The following TMEM132D variants were observed in gnomAD, a reference collection of about 807,000 sequenced individuals.
TMEM132D encodes the protein transmembrane protein 132D.
In TMEM132D, 21 loss-of-function variants were observed where a neutral mutation model predicts 62.3. The ratio of observed to expected loss-of-function variants is 0.34; its 90% CI spans 0.24 to 0.49. The LOEUF (loss-of-function observed/expected upper bound fraction) is 0.49. Among genes scored for constraint, TMEM132D ranks in the 20% least tolerant of loss-of-function variants. The pLI is 0.99. For synonymous variants in TMEM132D, 621 were observed against 575.6 expected (o/e 1.08, Z -1.13); for missense variants, 1,346 against 1,402.8 (o/e 0.96, Z 0.65).
At chr12:129,701,607 G>A (rs1251385782) in intron 1 of TMEM132D, among the ~76,000 whole-genome samples, 1 of 152,166 alleles carries the variant, frequency 6.6e-6, no homozygotes, top group Non-Finnish European at 1.5e-5. Flanking sequence ...CTCCCTCAGG[G>A]GGAGAAAAAT....
chr12:129,245,145 T>G (rs1417120984), intron 4 of TMEM132D, among the ~76,000 whole-genome samples: 2 of 152,242 alleles, frequency 1.3e-5, no homozygotes, highest in Non-Finnish European at 2.9e-5. Context: ...CATAGTATCA[T>G]GTATCCATCA....
chr12:129,689,774 T>A (rs952390766), intron 2 of TMEM132D, among the ~76,000 whole-genome samples: 1 of 152,172 alleles, frequency 6.6e-6, no homozygotes, highest in African/African-American at 2.4e-5. Context: ...TCCAAAACAA[T>A]GGTGTTAAGA....
intron 4 of TMEM132D, among the ~76,000 whole-genome samples, chr12:129,268,534 A>T (rs966256911): frequency 1.3e-5 from 2 of 152,180 alleles, no homozygotes; most frequent in Non-Finnish European, 2.9e-5. Context: ...GTCAGGAAAC[A>T]ACAGGTGCTG....
intron 2 of TMEM132D, among the ~76,000 whole-genome samples, chr12:129,593,132 AG>A (rs1195524354): frequency 6.6e-6 from 1 of 151,966 alleles, no homozygotes; most frequent in Non-Finnish European, 1.5e-5. Context: ...GGGAAAAAAA[AG>A]GTTAATCGTT....
intron 2 of TMEM132D, among the ~76,000 whole-genome samples, chr12:129,614,952 A>T (rs928104215): frequency 6.6e-6 from 1 of 152,160 alleles, no homozygotes; most frequent in Non-Finnish European, 1.5e-5. Flanking sequence ...CAATACATCT[A>T]CCCTGGCCCC....
rs538606575 is a variant in TMEM132D at position 129,371,049 on chromosome 12, C to CA, written c.1116-33233dup. Among the ~76,000 whole-genome samples the CA allele has an allele frequency of 1.8e-3, 267 of 152,150 alleles. 3 individuals carry two copies. Among genetic ancestry groups the CA allele is most frequent in the Non-Finnish European group, 2.6e-3 (177 of 67,982 alleles). On this transcript the variant is annotated intron_variant, in intron 3 of 8. Coordinates refer to ENST00000422113, the MANE Select transcript of TMEM132D (RefSeq NM_133448.3). This position sits in a 1 kb window ranked among gnomAD's most constrained non-coding sequence, Gnocchi z 4.3. Reference sequence around the variant, plus strand: ...GAGAAGAATTGTAACATTCTCAACACAAAAAACAGATAAATATTTGATGTG... The same window carrying CA: ...GAGAAGAATTGTAACATTCTCAACACAAAAAAACAGATAAATATTTGATGTG...
At chr12:129,354,365 G>A (rs377593465) in intron 3 of TMEM132D, among the ~76,000 whole-genome samples, 229 of 150,196 alleles carry the variant, frequency 1.5e-3, no homozygotes, top group African/African-American at 5.5e-3. Flanking sequence ...GCTCCGTCAC[G>A]CAGGCTGGAG....
intron 5 of TMEM132D, among the ~76,000 whole-genome samples, chr12:129,115,882 T>C (rs1174512021): frequency 1.3e-5 from 2 of 152,210 alleles, no homozygotes; most frequent in Non-Finnish European, 1.5e-5. Flanking sequence ...CATCTCCCCT[T>C]GGCTGGATAC....
intron 2 of TMEM132D, among the ~76,000 whole-genome samples, chr12:129,633,154 T>C (rs935969746): frequency 4.1e-4 from 62 of 152,238 alleles, no homozygotes; most frequent in African/African-American, 1.3e-3. Context: ...GCAAAATTCA[T>C]GTACAAAGAG....
intron 2 of TMEM132D, among the ~76,000 whole-genome samples, chr12:129,689,901 C>T (rs564464033): frequency 6.6e-6 from 1 of 152,296 alleles, no homozygotes; most frequent in South Asian, 2.1e-4. Context: ...TTTTCTTAGA[C>T]TCATTGGAGA....
chr12:129,144,280 A>G (rs1415943555), intron 5 of TMEM132D, among the ~76,000 whole-genome samples: 1 of 152,194 alleles, frequency 6.6e-6, no homozygotes, highest in Non-Finnish European at 1.5e-5. Flanking sequence ...AATGGTTCCA[A>G]TAAATCATGT....
At chr12:129,700,855 A>C (rs1160884995) in intron 1 of TMEM132D, among the ~76,000 whole-genome samples, 157 bp from the exon 2 acceptor site, 1 of 152,192 alleles carries the variant, frequency 6.6e-6, no homozygotes, top group African/African-American at 2.4e-5. Context: ...TACTCGCTTC[A>C]TATTATTTGT....
intron 1 of TMEM132D, among the ~76,000 whole-genome samples, chr12:129,831,955 C>T (rs901102641): frequency 6.8e-6 from 1 of 147,674 alleles, no homozygotes; most frequent in Non-Finnish European, 1.5e-5. Flanking sequence ...CTGCAATCTC[C>T]ACCTCCCGGG....
chr12:129,145,128 C>T (rs1192248126), intron 5 of TMEM132D, among the ~76,000 whole-genome samples: 1 of 152,180 alleles, frequency 6.6e-6, no homozygotes, highest in Non-Finnish European at 1.5e-5. Flanking sequence ...TATAAACACA[C>T]ATAATTAAAA....
chr12:129,407,436 T>C (rs1242554133), intron 3 of TMEM132D, among the ~76,000 whole-genome samples: 1 of 152,216 alleles, frequency 6.6e-6, no homozygotes, highest in African/African-American at 2.4e-5. Flanking sequence ...CAGGTGGAGC[T>C]TTAACTTCCG....
At chr12:129,682,926 T>A (rs555976811) in intron 2 of TMEM132D, 30 of 149,248 alleles carry the variant, frequency 2.0e-4, no homozygotes, top group Non-Finnish European at 3.7e-4. Context: ...CTTCACTTGA[T>A]CCGCTCTCAG....
At chr12:129,614,506 CCT>C (rs1214629998) in intron 2 of TMEM132D, among the ~76,000 whole-genome samples, 5 of 152,164 alleles carry the variant, frequency 3.3e-5, no homozygotes, top group African/African-American at 1.2e-4. Flanking sequence ...TGCTATAATC[CCT>C]CTTAGTTCAA....
At chr12:129,452,927 A>G (rs775806767) in intron 3 of TMEM132D, among the ~76,000 whole-genome samples, 3 of 151,960 alleles carry the variant, frequency 2.0e-5, no homozygotes, top group Admixed American at 1.3e-4. Context: ...GGGGTCCCCA[A>G]CCCCCGGGGC....
intron 3 of TMEM132D, among the ~76,000 whole-genome samples, chr12:129,466,486 C>A (rs1321066068): frequency 1.3e-5 from 2 of 151,816 alleles, no homozygotes; most frequent in Admixed American, 6.6e-5. Context: ...TGCCTGGCAA[C>A]TTTTCCTTTT....
Sources: allele counts gnomAD v4.1 joint callset (sites outside exome capture counted in the v4.1 genomes callset), GRCh38; gene constraint gnomAD v4.1.1; non-coding constraint Gnocchi (gnomAD v3.1); transcripts MANE v1.5; gene names NCBI Gene and HGNC (gene_info 2026-07-23, HGNC 2026-07-21).